Variants in CNST observed in about 807,000 individuals in gnomAD.
CNST encodes the protein consortin, connexin sorting protein.
A neutral mutation model predicts 72.4 loss-of-function variants in CNST; 39 were observed. The observed-to-expected ratio is 0.54, with a 90% CI of 0.42 to 0.70. The LOEUF (loss-of-function observed/expected upper bound fraction) is 0.70, where lower values mean the gene tolerates loss of function less well. CNST is among the 30% of genes least tolerant of loss of function. The probability of loss-of-function intolerance (pLI) is 0.00; values close to 1 mark genes in which losing one functional copy is unlikely to be tolerated. For synonymous variants in CNST, 332 were observed against 320.1 expected (o/e 1.04, Z -0.40); for missense variants, 871 against 868.5 (o/e 1.00, Z -0.04).
At chr1:246,615,377 G>A (rs976342076) in intron 2 of CNST, among the ~76,000 whole-genome samples, 3 of 151,598 alleles carry the variant, frequency 2.0e-5, no homozygotes, top group Non-Finnish European at 4.4e-5. Flanking sequence ...GGGTTTCACC[G>A]TGTTAGCCAG....
At chr1:246,649,640 G>T (rs762566672) in intron 9 of CNST, among the ~76,000 whole-genome samples, 53 of 152,026 alleles carry the variant, frequency 3.5e-4, no homozygotes, top group Non-Finnish European at 5.9e-5. Context: ...AGCTCCTGTT[G>T]TCTTGCCCAC....
Position 246,665,947 on chromosome 1 carries a change from G to A in CNST, c.*42G>A. On this transcript the variant is annotated 3_prime_UTR_variant, in exon 11 of 11. Coordinates refer to ENST00000366513, the MANE Select transcript of CNST (RefSeq NM_152609.3). ...GACATGCTGGCAGTGAGAGTGAAAGGCGGGAGACTTTCTAAACAGTTTTTC... is the reference window on the plus strand; with the variant it reads ...GACATGCTGGCAGTGAGAGTGAAAGACGGGAGACTTTCTAAACAGTTTTTC... The A allele has an allele frequency of 7.2e-7, 1 of 1,391,224 alleles. No homozygotes were observed. Among genetic ancestry groups the A allele is most frequent in the Non-Finnish European group, 1.0e-6 (1 of 986,654 alleles). The allele number at this position is 1,391,224 out of a possible 1,614,324, so 86.2% of individuals were successfully genotyped here.
chr1:246,594,012 C>T (rs561127314), intron 2 of CNST, among the ~76,000 whole-genome samples: 1 of 152,214 alleles, frequency 6.6e-6, no homozygotes, highest in East Asian at 1.9e-4. Context: ...CTCAAGCGAT[C>T]CTCCTGCCTA....
intron 2 of CNST, among the ~76,000 whole-genome samples, chr1:246,618,861 A>G (rs1224419750): frequency 2.0e-5 from 3 of 152,232 alleles, no homozygotes; most frequent in Admixed American, 6.5e-5. Context: ...CCGATTATCC[A>G]GGACCCTTTT....
chr1:246,572,644 C>T (rs1558523163), intron 1 of CNST, among the ~76,000 whole-genome samples: 1 of 152,032 alleles, frequency 6.6e-6, no homozygotes, highest in Non-Finnish European at 1.5e-5. Context: ...AGCCACCACT[C>T]CCAGCCAAAT....
intron 6 of CNST, among the ~76,000 whole-genome samples, chr1:246,636,392 G>T (rs951862522): frequency 3.5e-4 from 54 of 152,234 alleles, no homozygotes; most frequent in African/African-American, 1.3e-3. Context: ...TAAGGGGGAA[G>T]GTCTATCCCA....
intron 2 of CNST, among the ~76,000 whole-genome samples, chr1:246,598,386 C>CT (rs530588381): frequency 5.4e-4 from 82 of 152,014 alleles, no homozygotes; most frequent in African/African-American, 1.8e-3. Flanking sequence ...TTTGTCAGTA[C>CT]TTTTTTTTAT....
At chr1:246,595,785 A>G (rs1661834679) in intron 2 of CNST, among the ~76,000 whole-genome samples, 1 of 152,212 alleles carries the variant, frequency 6.6e-6, no homozygotes, top group African/African-American at 2.4e-5. Flanking sequence ...AACATGTAAA[A>G]TAAAGTAAAT....
chr1:246,618,948 A>G (rs1266370441), intron 2 of CNST, among the ~76,000 whole-genome samples: 1 of 152,172 alleles, frequency 6.6e-6, no homozygotes, highest in African/African-American at 2.4e-5. Flanking sequence ...CTTTGGCAAT[A>G]GTCTTCAAGG....
Position 246,665,863 on chromosome 1 carries a change from TC to T in CNST, c.2137del (p.Gln713ArgfsTer6). ...TGGACTTCTATTACACTAAGTTACT[TC>T]AGGGAGTGGCAGAACTGAAGCACTG... ...NMDFYYTKLLQGVAELKHWIY... is the reference protein window; with the variant it reads ...NMDFYYTKLLXGVAELKHWIY... On this transcript the variant is annotated frameshift_variant, in exon 11 of 11. Transcript: ENST00000366513. LOFTEE classifies it high-confidence loss of function. 1 of 1,613,992 alleles carries T rather than the reference TC, an allele frequency of 6.2e-7. No individual in the cohort carries two copies. Among genetic ancestry groups the T allele is most frequent in the Non-Finnish European group, 8.5e-7 (1 of 1,179,930 alleles).
intron 8 of CNST, among the ~76,000 whole-genome samples, chr1:246,643,377 G>A (rs1665846404): frequency 1.3e-5 from 2 of 152,168 alleles, no homozygotes; most frequent in African/African-American, 4.8e-5. Context: ...TCTTAAAGGA[G>A]GAAAAATATC....
At chr1:246,642,381 ACATT>A (rs1364942207) in intron 8 of CNST, among the ~76,000 whole-genome samples, 2 of 152,146 alleles carry the variant, frequency 1.3e-5, no homozygotes, top group African/African-American at 4.8e-5. Flanking sequence ...GTACATTCAT[ACATT>A]GTTTTCTGTT....
intron 1 of CNST, among the ~76,000 whole-genome samples, chr1:246,588,385 A>T (rs1279201851): frequency 6.6e-6 from 1 of 152,198 alleles, no homozygotes; most frequent in Non-Finnish European, 1.5e-5. Context: ...TTAATTTTAA[A>T]TAGTATCTAT....
intron 2 of CNST, among the ~76,000 whole-genome samples, chr1:246,614,995 T>G (rs1486908869): frequency 6.6e-6 from 1 of 152,166 alleles, no homozygotes; most frequent in East Asian, 1.9e-4. Flanking sequence ...TAAAAGTCAT[T>G]AAAGGATACT....
chr1:246,591,430 TA>T, intron 1 of CNST, 81 bp from the exon 2 acceptor site: 1 of 1,012,240 alleles, frequency 9.9e-7, no homozygotes, highest in Non-Finnish European at 1.5e-6. Context: ...TGAAACAACC[TA>T]AGAGAAGGGG....
intron 2 of CNST, among the ~76,000 whole-genome samples, chr1:246,615,180 A>AT (rs1553377165): frequency 1.3e-5 from 2 of 151,756 alleles, no homozygotes; most frequent in African/African-American, 2.4e-5. Context: ...CAAAAAAAAA[A>AT]TTTTTTTTTC....
chr1:246,576,234 C>CA (rs1232775346), intron 1 of CNST, among the ~76,000 whole-genome samples: 8,738 of 13,678 alleles, frequency 0.64, 3,923 homozygotes, highest in East Asian at 0.93. Context: ...GACTCCGTCT[C>CA]AAAAAAAAAA....
chr1:246,588,668 A>G (rs1441543510), intron 1 of CNST, among the ~76,000 whole-genome samples: 1 of 152,212 alleles, frequency 6.6e-6, no homozygotes, highest in Non-Finnish European at 1.5e-5. Context: ...TAGTTTATTC[A>G]ATATATCTAA....
intron 2 of CNST, among the ~76,000 whole-genome samples, chr1:246,600,748 G>A (rs141746749): frequency 2.9e-4 from 44 of 152,316 alleles, no homozygotes; most frequent in Admixed American, 1.4e-3. Context: ...TCAGGTGTCT[G>A]GGGTGTCGTA....
Sources: gnomAD v4.1 joint callset for allele counts (sites outside exome capture counted in the v4.1 genomes callset) on GRCh38, gnomAD v4.1.1 for gene constraint, MANE v1.5 for transcripts, NCBI Gene and HGNC (gene_info 2026-07-23, HGNC 2026-07-21) for gene names.